FLNC: variants seen among roughly 807,000 people sequenced by gnomAD.
FLNC encodes filamin-C.
A neutral mutation model predicts 254.3 loss-of-function variants in FLNC; 91 were observed. The observed-to-expected ratio is 0.36, with a 90% CI of 0.30 to 0.43. FLNC has a LOEUF of 0.43. FLNC is among the 20% of genes least tolerant of loss of function. The pLI is 1.00. For missense variants in FLNC, 2,853 were observed against 3,802.6 expected, an observed-to-expected ratio of 0.75 and a Z score of 6.57; for synonymous variants, 1,430 against 1,577.2, an observed-to-expected ratio of 0.91 and a Z score of 2.21.
intron 1 of FLNC, among the ~76,000 whole-genome samples, chr7:128,832,576 A>C (rs1807937462): frequency 6.6e-6 from 1 of 151,458 alleles, no homozygotes; most frequent in African/African-American, 2.4e-5. Context: ...TCCTGAGCAC[A>C]CCTCTCCCCT....
intron 33 of FLNC, 36 bp downstream of exon 33, chr7:128,850,979 G>T: frequency 6.2e-7 from 1 of 1,609,698 alleles, no homozygotes; most frequent in Non-Finnish European, 8.5e-7. Context: ...GGGCTTGGGT[G>T]AGAGGAGCAG....
chr7:128,846,839 G>A lies in FLNC; in HGVS notation c.4222G>A (p.Glu1408Lys), dbSNP rs965589915. The A allele has an allele frequency of 5.0e-6, 8 of 1,614,134 alleles. No homozygotes were observed. The African/African-American group carries it at 9.3e-5, about 19-fold the overall frequency. ...CAACAAGGATGGTAGCTGCACCGTGGAGTACATCCCCTTCACTCCTGGAGA... is the reference window on the plus strand; with the variant it reads ...CAACAAGGATGGTAGCTGCACCGTGAAGTACATCCCCTTCACTCCTGGAGA... ...KDNKDGSCTV[E>K]YIPFTPGDYD... The change falls in exon 24 of 48, where the codon GAG (glutamate) becomes AAG (lysine). Residue 1408 changes from glutamate (E) to lysine (K), a missense_variant. Glu to Lys is a moderately conservative substitution (Grantham distance 56, BLOSUM62 1). Transcript: ENST00000325888.
chr7:128,848,496 G>A (rs1808659495), intron 26 of FLNC, 65 bp from the exon 27 acceptor site: 1 of 1,554,892 alleles, frequency 6.4e-7, no homozygotes, highest in South Asian at 1.1e-5. Context: ...GGCTCAAGAT[G>A]AGATCACCCC....
intron 1 of FLNC, 85 bp downstream of exon 1, chr7:128,831,074 G>T: frequency 7.5e-7 from 1 of 1,338,146 alleles, no homozygotes; most frequent in Non-Finnish European, 1.0e-6. Flanking sequence ...TGGGCGCGCG[G>T]GGAGCTGAGA....
Position 128,845,997 on chromosome 7 carries a change from G to A in FLNC, c.3798G>A (p.Leu1266=), listed in dbSNP as rs755949518. 3.7e-6 allele frequency: 6 copies of A among 1,613,642 alleles called. No homozygotes were observed. The highest frequency in any genetic ancestry group is 1.1e-5 in the South Asian group (1 of 91,088). ...GCCACCCCTGGGCTCCAGGTGTCCTGCGGGAGGTGACCACTGAGTTCACTG... is the reference window on the plus strand; with the variant it reads ...GCCACCCCTGGGCTCCAGGTGTCCTACGGGAGGTGACCACTGAGTTCACTG... ...SGPGVEPHGV[L]REVTTEFTVD... Residue 1266 remains leucine, a synonymous_variant, in exon 22 of 48, where the codon CTG becomes CTA. Transcript: ENST00000325888.
rs1362399239 is a variant in FLNC, at chr7:128,840,061, C to G, written c.1450C>G (p.Leu484Val). 6.2e-7 allele frequency: 1 copy of G among 1,614,090 alleles called. No individual in the cohort carries two copies. Among genetic ancestry groups the G allele is most frequent in the East Asian group, 2.2e-5 (1 of 44,886 alleles). Reference protein sequence around the residue: ...PNACRASGRGLQPKGVRVKEV... With the variant: ...PNACRASGRGVQPKGVRVKEV... ...CGCCTGCCGCGCCTCTGGGCGAGGC[C>G]TGCAGCCCAAGGGTGTTCGCGTGAA... is the stretch of plus-strand genomic sequence containing the variant. The change falls in exon 9 of 48, where the codon CTG becomes GTG. Residue 484 changes from leucine to valine, a missense_variant. By Grantham distance (32) the Leu-to-Val change is conservative. Around this residue, in one of 10 missense-constraint regions of FLNC, gnomAD observed 1,573 missense variants for 1,883.5 expected, o/e 0.84. Coordinates refer to ENST00000325888, the MANE Select transcript of FLNC (RefSeq NM_001458.5).
At chr7:128,839,749 C>T (rs1366837734) in intron 8 of FLNC, among the ~76,000 whole-genome samples, 1 of 152,258 alleles carries the variant, frequency 6.6e-6, no homozygotes, top group African/African-American at 2.4e-5. Context: ...GGGGCCTTCC[C>T]TGTCTCTCTG....
At position 128,849,562 on chromosome 7, in the gene FLNC, G is replaced by A. The variant is rs1182715293; in HGVS notation, c.5183G>A (p.Ser1728Asn). The change falls in exon 30 of 48, where the codon AGC (serine) becomes AAC (asparagine). Residue 1728 changes from serine (S) to asparagine (N), a missense_variant. Physicochemically the swap from Ser to Asn is conservative, Grantham distance 46. Coordinates refer to ENST00000325888, the MANE Select transcript of FLNC (RefSeq NM_001458.5). ...IRFGGEHIPN[S>N]PFHVLACDPL... ...TTCGGGGGTGAGCACATCCCCAACA[G>A]CCCCTTCCACGTGCTGGTAAGTTCT... 1 of 1,613,970 alleles carries A rather than the reference G, an allele frequency of 6.2e-7. No individual in the cohort carries two copies. Among genetic ancestry groups the A allele is most frequent in the East Asian group, 2.2e-5 (1 of 44,888 alleles).
At position 128,840,178 on chromosome 7, in the gene FLNC, G is replaced by A. The variant is rs756141780; in HGVS notation, c.1549+18G>A. On this transcript the variant is annotated intron_variant, in intron 9 of 47. Coordinates refer to ENST00000325888, the MANE Select transcript of FLNC (RefSeq NM_001458.5). ...GGGGCCAAGTGAGTGCCAGAGCCCA[G>A]GGTCGTGAGGGTGGGGCTGGGGGAT... 2 of 1,613,014 alleles carry A rather than the reference G, an allele frequency of 1.2e-6. No individual in the cohort carries two copies. Among genetic ancestry groups the A allele is most frequent in the African/African-American group, 1.3e-5 (1 of 74,928 alleles).
rs909874633 is a variant in FLNC, at chr7:128,859,135, G to A, written c.*612G>A. 1 of 156,288 alleles carries A rather than the reference G, an allele frequency of 6.4e-6. No individual in the cohort carries two copies. Among genetic ancestry groups the A allele is most frequent in the African/African-American group, 2.4e-5 (1 of 41,474 alleles). 9.7% of individuals were successfully genotyped at this position (156,288 alleles called of 1,614,324 possible). ...CTCTCACTGTCTCTTTTTTTAAAAT[G>A]GTTGCACGGCTCTGCCCCATGGGGG... is the stretch of plus-strand genomic sequence containing the variant. On this transcript the variant is annotated 3_prime_UTR_variant, in exon 48 of 48. Coordinates refer to ENST00000325888, the MANE Select transcript of FLNC (RefSeq NM_001458.5).
chr7:128,856,608 T>G lies in FLNC; in HGVS notation c.7342T>G (p.Ser2448Ala), dbSNP rs2128940146. 6.2e-7 allele frequency: 1 copy of G among 1,612,758 alleles called. No homozygotes were observed. Among genetic ancestry groups the G allele is most frequent in the Non-Finnish European group, 8.5e-7 (1 of 1,179,994 alleles). The change falls in exon 44 of 48, where the codon TCG becomes GCG. Residue 2448 changes from serine (S) to alanine (A), a missense_variant. This residue lies in a region of FLNC where 47 missense variants were observed against 40.3 expected (regional missense o/e 1.17). Coordinates refer to ENST00000325888, the MANE Select transcript of FLNC (RefSeq NM_001458.5). The surrounding 1 kb of genome is among the most constrained non-coding windows in gnomAD (Gnocchi z 5.9). The stretch of plus-strand genomic sequence containing the variant: ...GATTGATGCCCGGGTGCACACACCC[T>G]CGGGGGCTGTGGAGGAGTGCTACGT... ...GVIDARVHTP[S>A]GAVEECYVSE...
intron 5 of FLNC, 82 bp from the exon 6 acceptor site, chr7:128,837,905 G>A (rs192601147): frequency 2.1e-6 from 3 of 1,412,378 alleles, no homozygotes; most frequent in Admixed American, 3.4e-5. Context: ...GGGCTGAGTG[G>A]GGCTGGGGTG....
Position 128,834,321 on chromosome 7 carries a change from C to CCCCCG in FLNC, c.353-1003_353-1002insCCGCC, listed in dbSNP as rs1338939500. Reference sequence around the variant, plus strand: ...AAGGGGGATCTAGGCGCCCCCCCCCCCCAAATCTTGAGGAACCAGTTCTGG... The same window carrying CCCCCG: ...AAGGGGGATCTAGGCGCCCCCCCCCCCCCCGCCAAATCTTGAGGAACCAGTTCTGG... On this transcript the variant is annotated intron_variant, in intron 1 of 47. Transcript: ENST00000325888. Among the ~76,000 whole-genome samples the CCCCCG allele has an allele frequency of 1.8e-4, 26 of 146,922 alleles. 1 individual carries two copies. The South Asian group carries it at 4.7e-3, about 26-fold the overall frequency.
Position 128,837,656 on chromosome 7 carries a change from C to T in FLNC, c.870C>T (p.Asn290=). 1.2e-6 allele frequency: 2 copies of T among 1,612,584 alleles called. No individual in the cohort carries two copies. Among genetic ancestry groups the T allele is most frequent in the Non-Finnish European group, 1.7e-6 (2 of 1,179,994 alleles). ...CCGTAGGCATCGAGCCACAGGGCAA[C>T]ACCGTGCTGCAGCCTGCCCACTTCA... ...AYGPGIEPQG[N]TVLQPAHFTV... Residue 290 remains asparagine, a synonymous_variant, in exon 5 of 48, where the codon AAC becomes AAT. Coordinates refer to ENST00000325888, the MANE Select transcript of FLNC (RefSeq NM_001458.5).
Position 128,844,250 on chromosome 7 carries a change from C to T in FLNC, c.3176C>T (p.Pro1059Leu). The T allele has an allele frequency of 3.7e-6, 6 of 1,608,490 alleles. No individual in the cohort carries two copies. The highest frequency in any genetic ancestry group is 5.1e-6 in the Non-Finnish European group (6 of 1,176,874). Reference protein sequence around the residue: ...GSPFAVEGVLPPDPSKVCAYG... With the variant: ...GSPFAVEGVLLPDPSKVCAYG... ...CCGTTTGCTGTGGAGGGTGTCCTGC[C>T]CCCTGATCCCTCCAAGGTGAGGAGA... The change falls in exon 20 of 48, where the codon CCC (proline) becomes CTC (leucine). Residue 1059 changes from proline (P) to leucine (L), a missense_variant. Physicochemically the swap from Pro to Leu is moderately conservative, Grantham distance 98. Transcript: ENST00000325888.
rs1322212555 is a variant in FLNC, at chr7:128,842,626, G to A, written c.2317G>A (p.Gly773Arg). The A allele has an allele frequency of 3.2e-6, 5 of 1,550,756 alleles. No individual in the cohort carries two copies. The highest frequency in any genetic ancestry group is 2.4e-5 in the South Asian group (2 of 84,084). The change falls in exon 15 of 48, where the codon GGA becomes AGA. Residue 773 changes from glycine to arginine, a missense_variant. Coordinates refer to ENST00000325888, the MANE Select transcript of FLNC (RefSeq NM_001458.5). The surrounding 1 kb of genome is among the most constrained non-coding windows in gnomAD (Gnocchi z 5.4). The part of the protein sequence containing the change: ...HPERVKVYGP[G>R]VEKTGLKANE... ...CGAGCGGGTAAAGGTGTACGGCCCC[G>A]GAGTGGAGAAGACAGGCCTCAAGGC...
At position 128,856,440 on chromosome 7, in the gene FLNC, G is replaced by A. The variant is rs537897260; in HGVS notation, c.7252-78G>A. On this transcript the variant is annotated intron_variant, in intron 43 of 47. Coordinates refer to ENST00000325888, the MANE Select transcript of FLNC (RefSeq NM_001458.5). This position sits in a 1 kb window ranked among gnomAD's most constrained non-coding sequence, Gnocchi z 5.9. ...AGCCTTTGGGCTGGGCTTACAGTGA[G>A]CACCGTGTGGGGCTTCAGAGAAGAC... 336 of 1,572,454 alleles carry A rather than the reference G, an allele frequency of 2.1e-4. 2 individuals are homozygous for A. Among genetic ancestry groups the A allele is most frequent in the Middle Eastern group, 5.8e-4 (3 of 5,162 alleles).
At position 128,858,433 on chromosome 7, in the gene FLNC, C is replaced by T; in HGVS notation, c.8088C>T (p.Tyr2696=). 1 of 1,612,868 alleles carries T rather than the reference C, an allele frequency of 6.2e-7. No individual in the cohort carries two copies. Among genetic ancestry groups the T allele is most frequent in the Non-Finnish European group, 8.5e-7 (1 of 1,179,138 alleles). ...HMGNRVYNVT[Y]TVKEKGDYIL... ...GGAACCGGGTGTACAATGTCACCTA[C>T]ACTGTCAAGGAGAAAGGGGACTACA... is the stretch of plus-strand genomic sequence containing the variant. The change falls in exon 48 of 48, where the codon TAC becomes TAT. Residue 2696 remains tyrosine (Y), a synonymous_variant. Coordinates refer to ENST00000325888, the MANE Select transcript of FLNC (RefSeq NM_001458.5). This position sits in a 1 kb window ranked among gnomAD's most constrained non-coding sequence, Gnocchi z 6.7.
In FLNC at chr7:128,843,555, TC is replaced by T; in HGVS notation, c.2790del (p.Lys931SerfsTer12). ...IIDNHDYSYTVKYTAVQQGNM... is the reference protein window; with the variant it reads ...IIDNHDYSYTXKYTAVQQGNM... ...GACAACCATGACTACTCCTACACTG[TC>T]AAGTACACCGCTGTCCAGCAGGTGC... is the stretch of plus-strand genomic sequence containing the variant. On this transcript the variant is annotated frameshift_variant, in exon 18 of 48. Transcript: ENST00000325888. LOFTEE classifies it high-confidence loss of function. The T allele has an allele frequency of 6.2e-7, 1 of 1,613,810 alleles. No individual in the cohort carries two copies. The highest frequency in any genetic ancestry group is 8.5e-7 in the Non-Finnish European group (1 of 1,180,018).
Sources: gnomAD v4.1 joint callset for allele counts (sites outside exome capture counted in the v4.1 genomes callset) on GRCh38, gnomAD v4.1.1 for gene constraint, gnomAD v4.1.1 regional missense constraint, Gnocchi (gnomAD v3.1) non-coding constraint, MANE v1.5 for transcripts, NCBI Gene and HGNC (gene_info 2026-07-23, HGNC 2026-07-21) for gene names.